Variants in IGF2BP3 observed in about 807,000 individuals in gnomAD.
The protein encoded by IGF2BP3 is insulin-like growth factor 2 mRNA-binding protein 3.
In IGF2BP3, 9 loss-of-function variants were observed where a neutral mutation model predicts 73.8. The ratio of observed to expected loss-of-function variants is 0.12; its 90% CI spans 0.07 to 0.21. The LOEUF is 0.21. Ranked by LOEUF, IGF2BP3 falls within the 10% of genes least tolerant of loss-of-function variation. The pLI is 1.00. For missense variants in IGF2BP3, 542 were observed against 714.0 expected (o/e 0.76, Z 2.75); for synonymous variants, 258 against 256.7 (o/e 1.01, Z -0.05).
At chr7:23,325,100 G>A (rs1583885636) in intron 10 of IGF2BP3, among the ~76,000 whole-genome samples, 1 of 152,030 alleles carries the variant, frequency 6.6e-6, no homozygotes, top group East Asian at 1.9e-4. Context: ...GGAAATAAAG[G>A]GTATTCAATT....
rs867167972 is a variant in IGF2BP3, at chr7:23,399,962, T to C, written c.285+18814A>G. ...TGAGCCATATGAGCCAGTTTTTTTTTCCCCAACATTGGAACAAGTTGTCAT... is the reference window on the plus strand; with the variant it reads ...TGAGCCATATGAGCCAGTTTTTTTTCCCCCAACATTGGAACAAGTTGTCAT... On this transcript the variant is annotated intron_variant, in intron 3 of 14. Transcript: ENST00000258729. 1.6e-4 allele frequency among the ~76,000 whole-genome samples: 24 copies of C among 152,302 alleles called. No individual in the cohort carries two copies. In the East Asian group the frequency reaches 1.9e-3, roughly 12 times the overall value.
intron 5 of IGF2BP3, among the ~76,000 whole-genome samples, chr7:23,357,330 A>G (rs972902080): frequency 5.3e-5 from 8 of 151,312 alleles, no homozygotes; most frequent in African/African-American, 1.9e-4. Flanking sequence ...CTGGAGTGCA[A>G]TGGCGCAATC....
intron 5 of IGF2BP3, among the ~76,000 whole-genome samples, chr7:23,352,461 G>C (rs983989968): frequency 6.6e-6 from 1 of 151,704 alleles, no homozygotes; most frequent in African/African-American, 2.4e-5. Flanking sequence ...GCTAATTTTT[G>C]TATTTTTAGT....
rs1014889198 is a variant in IGF2BP3 at position 23,468,405 on chromosome 7, A to C, written c.236+77T>G. The C allele has an allele frequency of 1.1e-5, 16 of 1,462,356 alleles. No homozygotes were observed. In the East Asian group the frequency reaches 3.6e-4, roughly 33 times the overall value. The allele number at this position is 1,462,356 out of a possible 1,614,324, so 90.6% of individuals were successfully genotyped here. A position where few individuals can be genotyped will look rare whatever the true frequency, so the allele number is the denominator to read the frequency against. On this transcript the variant is annotated intron_variant, in intron 2 of 14. Transcript: ENST00000258729. ...CGGCAGGGGGTAAGCACCAGAGGAC[A>C]AGAAGTTCTCAGCTGAGTCTCTCCA...
intron 10 of IGF2BP3, among the ~76,000 whole-genome samples, chr7:23,340,321 G>A (rs1185779242): frequency 6.6e-6 from 1 of 152,168 alleles, no homozygotes; most frequent in African/African-American, 2.4e-5. Flanking sequence ...GGGGAGACAA[G>A]ATGCTGCTGA....
chr7:23,466,024 GTT>G (rs71552233), intron 2 of IGF2BP3, among the ~76,000 whole-genome samples: 9 of 142,482 alleles, frequency 6.3e-5, no homozygotes, highest in African/African-American at 2.6e-5. Context: ...GAGAAAAAAG[GTT>G]TTTTTTTTTT....
chr7:23,386,119 G>A (rs974830358), intron 3 of IGF2BP3, among the ~76,000 whole-genome samples: 2 of 152,114 alleles, frequency 1.3e-5, no homozygotes, highest in African/African-American at 4.8e-5. Context: ...TTGAAGTTAG[G>A]GGATAGGTAC....
intron 3 of IGF2BP3, among the ~76,000 whole-genome samples, chr7:23,404,358 T>TA (rs564935059): frequency 2.8e-4 from 42 of 152,278 alleles, no homozygotes; most frequent in African/African-American, 9.4e-4. Flanking sequence ...TCATTACCAT[T>TA]AGCCAGAGTA....
intron 10 of IGF2BP3, among the ~76,000 whole-genome samples, chr7:23,341,701 GTA>G (rs973150251): frequency 6.6e-6 from 1 of 151,574 alleles, no homozygotes; most frequent in Non-Finnish European, 1.5e-5. Context: ...CATGGCACAT[GTA>G]TACCTATGTA....
At chr7:23,400,164 T>G (rs192246665) in intron 3 of IGF2BP3, among the ~76,000 whole-genome samples, 37 of 152,310 alleles carry the variant, frequency 2.4e-4, no homozygotes, top group African/African-American at 8.2e-4. Flanking sequence ...AATCATGCAT[T>G]AAAACAATGT....
chr7:23,323,123 T>G (rs1002639733), intron 10 of IGF2BP3, among the ~76,000 whole-genome samples: 24 of 152,060 alleles, frequency 1.6e-4, no homozygotes, highest in Non-Finnish European at 2.1e-4. Context: ...AGACACAGAC[T>G]GGCAAATTGG....
At chr7:23,443,868 G>A (rs571313615) in intron 2 of IGF2BP3, among the ~76,000 whole-genome samples, 18 of 151,964 alleles carry the variant, frequency 1.2e-4, no homozygotes, top group African/African-American at 3.9e-4. Flanking sequence ...AATTAGCCAG[G>A]CATGGTGGCA....
intron 5 of IGF2BP3, among the ~76,000 whole-genome samples, chr7:23,353,088 A>C (rs948463285): frequency 2.6e-5 from 4 of 152,236 alleles, no homozygotes; most frequent in Non-Finnish European, 4.4e-5. Context: ...AAAAACAAAA[A>C]GAAAGAAGTC....
At chr7:23,368,402 A>C (rs1170664033) in intron 3 of IGF2BP3, among the ~76,000 whole-genome samples, 1 of 152,126 alleles carries the variant, frequency 6.6e-6, no homozygotes, top group Admixed American at 6.5e-5. Flanking sequence ...GCATTATGCT[A>C]AATGAAAACA....
intron 3 of IGF2BP3, among the ~76,000 whole-genome samples, chr7:23,394,334 G>A (rs575056797): frequency 1.3e-5 from 2 of 152,240 alleles, no homozygotes; most frequent in Admixed American, 6.5e-5. Flanking sequence ...AGGTGTGGTG[G>A]CACGTACCTG....
In IGF2BP3 at chr7:23,456,974, G is replaced by A. The variant is rs543053656; in HGVS notation, c.236+11508C>T. On this transcript the variant is annotated intron_variant, in intron 2 of 14. Coordinates refer to ENST00000258729, the MANE Select transcript of IGF2BP3 (RefSeq NM_006547.3). ...TGAGGCAGGAGAATCCCTTGAAACC[G>A]GGAGGCGGAGGTTGCAGTGAGCCAA... 4.6e-5 allele frequency among the ~76,000 whole-genome samples: 7 copies of A among 152,156 alleles called. No homozygotes were observed. The East Asian group carries it at 5.8e-4, about 13-fold the overall frequency.
At chr7:23,368,390 A>AAAGGC (rs1785450215) in intron 3 of IGF2BP3, among the ~76,000 whole-genome samples, 1 of 152,130 alleles carries the variant, frequency 6.6e-6, no homozygotes, top group East Asian at 1.9e-4. Flanking sequence ...AAAGAAAAGA[A>AAAGGC]GGCATTATGC....
chr7:23,385,239 T>A (rs1007832663), intron 3 of IGF2BP3, among the ~76,000 whole-genome samples: 7 of 152,210 alleles, frequency 4.6e-5, no homozygotes, highest in Non-Finnish European at 7.3e-5. Context: ...ATGTACTTCC[T>A]GACAGAAGTC....
chr7:23,383,799 A>G (rs1175485679), intron 3 of IGF2BP3, among the ~76,000 whole-genome samples: 1 of 152,174 alleles, frequency 6.6e-6, no homozygotes, highest in Non-Finnish European at 1.5e-5. Flanking sequence ...TCAGCAATAA[A>G]AAGAGTGAAG....
Sources: allele counts gnomAD v4.1 joint callset (sites outside exome capture counted in the v4.1 genomes callset), GRCh38; gene constraint gnomAD v4.1.1; transcripts MANE v1.5; gene names NCBI Gene and HGNC (gene_info 2026-07-23, HGNC 2026-07-21).